Variants in IL1RAPL1 observed in about 807,000 individuals in gnomAD.
The protein encoded by IL1RAPL1 is interleukin 1 receptor accessory protein like 1.
Under a neutral mutation model 48.4 loss-of-function variants are expected in IL1RAPL1, and 3 were observed. The ratio of observed to expected loss-of-function variants is 0.06; its 90% confidence interval spans 0.03 to 0.16. The LOEUF (loss-of-function observed/expected upper bound fraction) is 0.16. IL1RAPL1 is among the 10% of genes least tolerant of loss of function. The pLI, the probability that IL1RAPL1 is intolerant of heterozygous loss-of-function variation, is 1.00. For synonymous variants in IL1RAPL1, 185 were observed against 187.7 expected (o/e 0.99, Z 0.12); for missense variants, 349 against 530.6 (o/e 0.66, Z 3.36).
intron 2 of IL1RAPL1, among the ~76,000 whole-genome samples, chrX:29,252,472 T>G (rs1461220278): frequency 1.8e-5 from 2 of 114,019 alleles, no homozygotes; most frequent in African/African-American, 6.4e-5. Flanking sequence ...AGTATACCAA[T>G]TATTTAGGGA....
chrX:29,892,686 G>GT (rs1932294792), intron 6 of IL1RAPL1, among the ~76,000 whole-genome samples: 1 of 112,177 alleles, frequency 8.9e-6, no homozygotes, highest in Non-Finnish European at 1.9e-5. Flanking sequence ...GGAATGGCAG[G>GT]TTAGATGACA....
intron 3 of IL1RAPL1, among the ~76,000 whole-genome samples, chrX:29,373,018 A>G (rs1399507137): frequency 9.0e-6 from 1 of 111,009 alleles, no homozygotes; most frequent in Admixed American, 9.6e-5. Flanking sequence ...TTTGGGCAGT[A>G]TGGCTACTTT....
Position 29,105,017 on chromosome X carries a change from A to T in IL1RAPL1, c.83-177921A>T, listed in dbSNP as rs574862809. On this transcript the variant is annotated intron_variant, in intron 2 of 10. Transcript: ENST00000378993. ...TATCTGAGTCTGTCCATGCTAAAAA[A>T]TCCTTCCTGGTTTTCCTATGAAAAG... is the stretch of plus-strand genomic sequence containing the variant. Among the ~76,000 whole-genome samples, 50 of 111,779 alleles carry T rather than the reference A, an allele frequency of 4.5e-4. No homozygotes were observed. In the South Asian group the frequency reaches 0.019, roughly 42 times the overall value.
intron 6 of IL1RAPL1, among the ~76,000 whole-genome samples, chrX:29,748,986 TAGAA>T (rs1213339409): frequency 2.4e-4 from 27 of 112,425 alleles, no homozygotes; most frequent in Non-Finnish European, 4.5e-4. Context: ...AAAGAAAGAA[TAGAA>T]AGAGAATTTA....
At chrX:29,685,955 A>G (rs1397245119) in intron 6 of IL1RAPL1, among the ~76,000 whole-genome samples, 2 of 109,617 alleles carry the variant, frequency 1.8e-5, no homozygotes, top group Non-Finnish European at 3.8e-5. Context: ...ATTGCACCCC[A>G]GCCTGGGCAA....
intron 1 of IL1RAPL1, among the ~76,000 whole-genome samples, chrX:28,788,638 T>TTA (rs2147264858): frequency 9.3e-6 from 1 of 107,640 alleles, no homozygotes; most frequent in African/African-American, 3.4e-5. Flanking sequence ...AGCTATTTTT[T>TTA]TTTTTTTTTG....
chrX:29,633,076 T>C (rs764980027), intron 5 of IL1RAPL1, among the ~76,000 whole-genome samples: 25 of 111,546 alleles, frequency 2.2e-4, no homozygotes, highest in African/African-American at 7.5e-4. Flanking sequence ...AGTAGCACTA[T>C]TGGTAATAGG....
chrX:29,725,110 TG>T (rs1927742000), intron 6 of IL1RAPL1, among the ~76,000 whole-genome samples: 1 of 110,792 alleles, frequency 9.0e-6, no homozygotes, highest in African/African-American at 3.3e-5. Context: ...TAAGAAGGGC[TG>T]AAAAAAAAAG....
At chrX:28,960,616 G>A (rs1924742821) in intron 2 of IL1RAPL1, among the ~76,000 whole-genome samples, 1 of 111,889 alleles carries the variant, frequency 8.9e-6, no homozygotes. Context: ...TTATATTGAA[G>A]CGGTTGAAAA....
chrX:28,602,369 C>T lies in IL1RAPL1; in HGVS notation c.-25+14322C>T, dbSNP rs777748584. On this transcript the variant is annotated intron_variant, in intron 1 of 10. Coordinates refer to ENST00000378993, the MANE Select transcript of IL1RAPL1 (RefSeq NM_014271.4). Reference sequence around the variant, plus strand: ...CTGATTGCATCATGCTATTTGTGCACAGCACACTTTTATTTTTGTCCGCAT... The same window carrying T: ...CTGATTGCATCATGCTATTTGTGCATAGCACACTTTTATTTTTGTCCGCAT... 1.7e-3 allele frequency among the ~76,000 whole-genome samples: 193 copies of T among 112,086 alleles called. 1 individual carries two copies. Among genetic ancestry groups the T allele is most frequent in the Non-Finnish European group, 2.6e-3 (137 of 53,259 alleles).
intron 5 of IL1RAPL1, among the ~76,000 whole-genome samples, chrX:29,500,888 C>A (rs1481610249): frequency 9.1e-6 from 1 of 110,224 alleles, no homozygotes; most frequent in African/African-American, 3.3e-5. Flanking sequence ...TTTTGAGAAC[C>A]CTCCATACAG....
chrX:28,639,391 G>C (rs1199072983), intron 1 of IL1RAPL1, among the ~76,000 whole-genome samples: 1 of 111,978 alleles, frequency 8.9e-6, no homozygotes, highest in African/African-American at 3.2e-5. Context: ...TCAATTACCT[G>C]ACCTTCAGCT....
At chrX:29,876,783 A>G (rs1189061225) in intron 6 of IL1RAPL1, among the ~76,000 whole-genome samples, 3 of 111,977 alleles carry the variant, frequency 2.7e-5, no homozygotes, top group Non-Finnish European at 3.8e-5. Context: ...GCTTATATCA[A>G]TGTACTTAAG....
At chrX:28,840,034 A>G (rs190024568) in intron 2 of IL1RAPL1, among the ~76,000 whole-genome samples, 2 of 111,165 alleles carry the variant, frequency 1.8e-5, no homozygotes, top group African/African-American at 3.2e-5. Context: ...TGCGTCTCTT[A>G]GAGTGTACCA....
chrX:29,790,492 A>G (rs1001106711), intron 6 of IL1RAPL1, among the ~76,000 whole-genome samples: 1 of 112,405 alleles, frequency 8.9e-6, no homozygotes, highest in African/African-American at 3.2e-5. Flanking sequence ...CATCTTGTAT[A>G]ATGATATGCC....
intron 5 of IL1RAPL1, among the ~76,000 whole-genome samples, chrX:29,457,080 GCCGTGATTGCA>G (rs1934747847): frequency 1.8e-5 from 2 of 110,330 alleles, no homozygotes; most frequent in South Asian, 7.9e-4. Context: ...TTTGCAGTGA[GCCGTGATTGCA>G]CCACTGTACT....
chrX:29,310,976 T>TC (rs1029901741), intron 3 of IL1RAPL1, among the ~76,000 whole-genome samples: 16 of 111,913 alleles, frequency 1.4e-4, no homozygotes, highest in African/African-American at 3.6e-4. Flanking sequence ...GGTGTTTTTT[T>TC]CCCCATGAAA....
intron 5 of IL1RAPL1, among the ~76,000 whole-genome samples, chrX:29,402,948 T>G (rs1296531263): frequency 1.8e-5 from 2 of 111,918 alleles, no homozygotes; most frequent in Non-Finnish European, 3.8e-5. Flanking sequence ...CAGCCTGACT[T>G]ATCACTGTTG....
In IL1RAPL1 at chrX:29,200,752, T is replaced by G. The variant is rs769594632; in HGVS notation, c.83-82186T>G. Among the ~76,000 whole-genome samples, 98 of 112,189 alleles carry G rather than the reference T, an allele frequency of 8.7e-4. 1 individual carries two copies. Among genetic ancestry groups the G allele is most frequent in the African/African-American group, 2.9e-3 (91 of 30,956 alleles). On this transcript the variant is annotated intron_variant, in intron 2 of 10. Coordinates refer to ENST00000378993, the MANE Select transcript of IL1RAPL1 (RefSeq NM_014271.4). ...TTAAGACATATTTATATTATTAAGC[T>G]CACATTAATATTACCATAAAATATG...
Sources: allele counts gnomAD v4.1 joint callset (sites outside exome capture counted in the v4.1 genomes callset), GRCh38; gene constraint gnomAD v4.1.1; transcripts MANE v1.5; gene names NCBI Gene and HGNC (gene_info 2026-07-23, HGNC 2026-07-21).